Variants in SLF1 observed in about 807,000 individuals in gnomAD.
SLF1 encodes SMC5-SMC6 complex localization factor protein 1.
In SLF1, 105 loss-of-function variants were observed where a neutral mutation model predicts 123.0. The observed-to-expected ratio is 0.85, with a 90% CI of 0.73 to 1.00. The LOEUF (loss-of-function observed/expected upper bound fraction) is 1.00, where lower values mean the gene tolerates loss of function less well. SLF1 is among the 50% of genes least tolerant of loss of function. The pLI, the probability that SLF1 is intolerant of heterozygous loss-of-function variation, is 0.00. For synonymous variants in SLF1, 434 were observed against 406.6 expected, an observed-to-expected ratio of 1.07 and a Z score of -0.81; for missense variants, 1,239 against 1,223.0, an observed-to-expected ratio of 1.01 and a Z score of -0.20.
At chr5:94,677,545 A>G (rs1483097873) in intron 14 of SLF1, among the ~76,000 whole-genome samples, 1 of 152,192 alleles carries the variant, frequency 6.6e-6, no homozygotes, top group Non-Finnish European at 1.5e-5. Context: ...TTAGAAAGAA[A>G]TTAGATGGCA....
rs1351017185 is a variant in SLF1, at chr5:94,696,432, A to G, written c.*1120A>G. On this transcript the variant is annotated 3_prime_UTR_variant, in exon 21 of 21. Transcript: ENST00000265140. ...AAAACTGCTATATCAGTATGAAAAA[A>G]TATTTTAAATAAGTACTTTTTCCAC... 2.6e-5 allele frequency: 4 copies of G among 151,840 alleles called. No individual in the cohort carries two copies. The highest frequency in any genetic ancestry group is 1.3e-4 in the Admixed American group (2 of 15,206). 9.4% of individuals were successfully genotyped at this position (151,840 alleles called of 1,614,324 possible).
At chr5:94,627,601 T>TATATATATA (rs1554061283) in intron 1 of SLF1, among the ~76,000 whole-genome samples, 1 of 134,478 alleles carries the variant, frequency 7.4e-6, no homozygotes. Flanking sequence ...TATATATATA[T>TATATATATA]ATATATATAT....
intron 6 of SLF1, among the ~76,000 whole-genome samples, chr5:94,650,484 T>TC (rs1159219773): frequency 6.6e-6 from 1 of 151,524 alleles, no homozygotes; most frequent in Non-Finnish European, 1.5e-5. Context: ...TGCCTCAGCC[T>TC]CCCGAGTAGC....
At chr5:94,646,221 C>A (rs571120940) in intron 5 of SLF1, among the ~76,000 whole-genome samples, 1 of 152,302 alleles carries the variant, frequency 6.6e-6, no homozygotes, top group South Asian at 2.1e-4. Flanking sequence ...GCACTCCAGC[C>A]TGAGCAACAG....
rs1753126307 is a variant in SLF1, at chr5:94,692,315, G to A, written c.2695+59G>A. 26 of 1,506,334 alleles carry A rather than the reference G, an allele frequency of 1.7e-5. No homozygotes were observed. The South Asian group carries it at 3.3e-4, about 19-fold the overall frequency. The allele number at this position is 1,506,334 out of a possible 1,614,324, so 93.3% of individuals were successfully genotyped here. ...ATTATCCAGTTTTTTGATGAATCCTGCAGAGGTAGATAGCATTTTATGTTT... is the reference window on the plus strand; with the variant it reads ...ATTATCCAGTTTTTTGATGAATCCTACAGAGGTAGATAGCATTTTATGTTT... On this transcript the variant is annotated intron_variant, in intron 20 of 20. Coordinates refer to ENST00000265140, the MANE Select transcript of SLF1 (RefSeq NM_032290.4).
chr5:94,665,256 A>G (rs1174126668), intron 11 of SLF1, among the ~76,000 whole-genome samples: 1 of 151,884 alleles, frequency 6.6e-6, no homozygotes, highest in Non-Finnish European at 1.5e-5. Context: ...TTGCAGTTGT[A>G]GAACCTATGG....
At chr5:94,683,804 A>G (rs1046244000) in intron 15 of SLF1, among the ~76,000 whole-genome samples, 3 of 152,226 alleles carry the variant, frequency 2.0e-5, no homozygotes, top group Admixed American at 6.5e-5. Flanking sequence ...TGATTTAAAA[A>G]GATTGTCCCA....
Position 94,653,266 on chromosome 5 carries a change from A to C in SLF1, c.883-6A>C, listed in dbSNP as rs749606875. On this transcript the variant is annotated splice_polypyrimidine_tract_variant and splice_region_variant and intron_variant, in intron 7 of 20. Coordinates refer to ENST00000265140, the MANE Select transcript of SLF1 (RefSeq NM_032290.4). The stretch of plus-strand genomic sequence containing the variant: ...TGAGATTTAATTGTGGTCTAAATAC[A>C]TGTAGAAGGAAATTAAGAAAAAAGA... 1.3e-6 allele frequency: 2 copies of C among 1,517,934 alleles called. No homozygotes were observed. The highest frequency in any genetic ancestry group is 2.5e-5 in the South Asian group (2 of 78,960). 94.0% of individuals were successfully genotyped at this position (1,517,934 alleles called of 1,614,324 possible).
At chr5:94,670,329 A>G (rs909244330) in intron 13 of SLF1, 50 bp downstream of exon 13, 8 of 1,328,034 alleles carry the variant, frequency 6.0e-6, no homozygotes, top group African/African-American at 4.7e-5. Context: ...GGTTGTTTTT[A>G]TGCACCATTT....
At chr5:94,632,494 A>G (rs1217791536) in intron 4 of SLF1, among the ~76,000 whole-genome samples, 1 of 152,208 alleles carries the variant, frequency 6.6e-6, no homozygotes, top group Non-Finnish European at 1.5e-5. Flanking sequence ...TCTTCCTATT[A>G]GTGAACTATG....
intron 9 of SLF1, among the ~76,000 whole-genome samples, chr5:94,656,986 TATTA>T (rs1748469708): frequency 6.7e-6 from 1 of 149,388 alleles, no homozygotes; most frequent in African/African-American, 2.4e-5. Flanking sequence ...TTCTGCTCTT[TATTA>T]TTTATTTAAA....
chr5:94,629,078 AT>A lies in SLF1; in HGVS notation c.115-9del. ...ACTTTAGTAACATTTCTTGATGTGGATTTTTCCCTCCAGAAATACAAAAATT... is the reference window on the plus strand; with the variant it reads ...ACTTTAGTAACATTTCTTGATGTGGATTTTCCCTCCAGAAATACAAAAATT... On this transcript the variant is annotated splice_polypyrimidine_tract_variant and intron_variant, in intron 2 of 20. Transcript: ENST00000265140. 1 of 1,529,310 alleles carries A rather than the reference AT, an allele frequency of 6.5e-7. No homozygotes were observed. Among genetic ancestry groups the A allele is most frequent in the Non-Finnish European group, 8.8e-7 (1 of 1,136,300 alleles). The allele number at this position is 1,529,310 out of a possible 1,614,324, so 94.7% of individuals were successfully genotyped here. A position where few individuals can be genotyped will look rare whatever the true frequency, so the allele number is the denominator to read the frequency against.
Position 94,649,444 on chromosome 5 carries a change from A to G in SLF1, c.595-10A>G, listed in dbSNP as rs767268318. On this transcript the variant is annotated splice_polypyrimidine_tract_variant and intron_variant, in intron 5 of 20. Coordinates refer to ENST00000265140, the MANE Select transcript of SLF1 (RefSeq NM_032290.4). ...AGATGATTGCCTAAACCATTTTTAC[A>G]TACATACAGAAAGAAATTCAGAATG... 1.1e-5 allele frequency: 16 copies of G among 1,484,854 alleles called. No individual in the cohort carries two copies. The African/African-American group carries it at 1.1e-4, about 10-fold the overall frequency. The allele number at this position is 1,484,854 out of a possible 1,614,324, so 92.0% of individuals were successfully genotyped here.
At chr5:94,662,915 A>C (rs1749301993) in intron 10 of SLF1, among the ~76,000 whole-genome samples, 1 of 152,200 alleles carries the variant, frequency 6.6e-6, no homozygotes, top group South Asian at 2.1e-4. Flanking sequence ...TTTATTATTA[A>C]GAATAGTTTG....
chr5:94,650,565 C>T (rs1397229231), intron 6 of SLF1, among the ~76,000 whole-genome samples: 2 of 152,058 alleles, frequency 1.3e-5, no homozygotes, highest in South Asian at 2.1e-4. Context: ...GGGGTTTCAC[C>T]ATGTTAACCA....
At chr5:94,635,133 T>C (rs1745608307) in intron 4 of SLF1, among the ~76,000 whole-genome samples, 1 of 142,270 alleles carries the variant, frequency 7.0e-6, no homozygotes, top group South Asian at 2.2e-4. Context: ...CTGTAGTTTA[T>C]CCCGTGTTTT....
At chr5:94,624,634 TAATAA>T (rs754108345) in intron 1 of SLF1, among the ~76,000 whole-genome samples, 15 of 152,192 alleles carry the variant, frequency 9.9e-5, no homozygotes, top group Non-Finnish European at 2.2e-4. Context: ...GGAAGCAGAA[TAATAA>T]AATTTAAAGG....
At position 94,630,706 on chromosome 5, in the gene SLF1, C is replaced by T. The variant is rs1234947144; in HGVS notation, c.394C>T (p.Leu132Phe). The change falls in exon 4 of 21, where the codon CTT (leucine) becomes TTT (phenylalanine). Residue 132 changes from leucine to phenylalanine, a missense_variant. Coordinates refer to ENST00000265140, the MANE Select transcript of SLF1 (RefSeq NM_032290.4). ...GAFHRWKVVL[L>F]VRTDKRSDSL... ...CTTCCACAGATGGAAAGTTGTCCTC[C>T]TTGTTAGAACTGATAAGCGAAGTGA... The T allele has an allele frequency of 6.4e-7, 1 of 1,551,602 alleles. No homozygotes were observed. The highest frequency in any genetic ancestry group is 1.2e-5 in the South Asian group (1 of 84,058).
intron 15 of SLF1, among the ~76,000 whole-genome samples, chr5:94,683,453 ATTAAG>A (rs1244491390): frequency 1.3e-5 from 2 of 152,210 alleles, no homozygotes; most frequent in Non-Finnish European, 2.9e-5. Flanking sequence ...ATAAACGGTA[ATTAAG>A]TTAATATAAA....
Sources: allele counts gnomAD v4.1 joint callset (sites outside exome capture counted in the v4.1 genomes callset), GRCh38; gene constraint gnomAD v4.1.1; transcripts MANE v1.5; gene names NCBI Gene and HGNC (gene_info 2026-07-23, HGNC 2026-07-21).